The following TGFA variants were observed in gnomAD, a reference collection of about 807,000 sequenced individuals.
TGFA encodes the protein transforming growth factor alpha, also known as protransforming growth factor alpha.
In TGFA, 12 loss-of-function variants were observed where a neutral mutation model predicts 21.7. That is an observed-to-expected ratio of 0.55 (90% CI 0.35 to 0.90). The LOEUF (loss-of-function observed/expected upper bound fraction) is 0.90, where lower values mean the gene tolerates loss of function less well. Ranked by LOEUF, TGFA falls within the 40% of genes least tolerant of loss-of-function variation. The probability of loss-of-function intolerance (pLI) is 0.01; values close to 1 mark genes in which losing one functional copy is unlikely to be tolerated. For missense variants in TGFA, 178 were observed against 210.8 expected (o/e 0.84, Z 0.96); for synonymous variants, 79 against 88.1 (o/e 0.90, Z 0.58).
At chr2:70,547,884 G>A (rs1673365457) in intron 1 of TGFA, among the ~76,000 whole-genome samples, 1 of 147,778 alleles carries the variant, frequency 6.8e-6, no homozygotes, top group South Asian at 2.1e-4. Flanking sequence ...TATATCTATA[G>A]ATAGATAGTA....
chr2:70,524,376 C>T (rs994249371), intron 1 of TGFA, among the ~76,000 whole-genome samples: 3 of 152,244 alleles, frequency 2.0e-5, no homozygotes, highest in Non-Finnish European at 4.4e-5. Context: ...TAAGCCTTAT[C>T]AAAGACTTAG....
intron 2 of TGFA, among the ~76,000 whole-genome samples, chr2:70,489,431 C>T (rs569156555): frequency 3.3e-5 from 5 of 152,358 alleles, no homozygotes; most frequent in African/African-American, 7.2e-5. Flanking sequence ...GGAATGTTCC[C>T]ACAACGGTGA....
At chr2:70,539,210 T>G (rs1378702224) in intron 1 of TGFA, among the ~76,000 whole-genome samples, 1 of 152,128 alleles carries the variant, frequency 6.6e-6, no homozygotes, top group Non-Finnish European at 1.5e-5. Flanking sequence ...AACCAAAAAG[T>G]TCATGTGACT....
intron 2 of TGFA, among the ~76,000 whole-genome samples, chr2:70,504,576 A>T (rs961449741): frequency 1.3e-5 from 2 of 151,426 alleles, no homozygotes; most frequent in Non-Finnish European, 2.9e-5. Flanking sequence ...ACATACATGC[A>T]TATACTCACA....
At chr2:70,452,091 G>A (rs958806808) in intron 5 of TGFA, among the ~76,000 whole-genome samples, 1 of 152,156 alleles carries the variant, frequency 6.6e-6, no homozygotes, top group Non-Finnish European at 1.5e-5. Flanking sequence ...ATGCACATGT[G>A]TCCAGCCTCC....
At chr2:70,459,492 G>A (rs997557644) in intron 3 of TGFA, among the ~76,000 whole-genome samples, 3 of 152,154 alleles carry the variant, frequency 2.0e-5, no homozygotes, top group African/African-American at 7.2e-5. Context: ...AAGATACCCT[G>A]GGCTAGTGAT....
At chr2:70,488,564 T>C (rs1553497068) in intron 2 of TGFA, among the ~76,000 whole-genome samples, 1 of 152,182 alleles carries the variant, frequency 6.6e-6, no homozygotes. Context: ...TACTGTAACC[T>C]TGCAATATGT....
chr2:70,545,870 C>T (rs942723006), intron 1 of TGFA, among the ~76,000 whole-genome samples: 1 of 152,078 alleles, frequency 6.6e-6, no homozygotes, highest in Non-Finnish European at 1.5e-5. Flanking sequence ...GATTACTATT[C>T]TTCTCATATA....
At chr2:70,511,928 C>CAT (rs1325917239) in intron 2 of TGFA, among the ~76,000 whole-genome samples, 1 of 149,980 alleles carries the variant, frequency 6.7e-6, no homozygotes, top group Non-Finnish European at 1.5e-5. Context: ...CACACACACA[C>CAT]ACTTGCTACA....
At chr2:70,468,606 G>T (rs1670644032) in intron 2 of TGFA, 1 of 152,304 alleles carries the variant, frequency 6.6e-6, no homozygotes, top group Admixed American at 6.5e-5. Context: ...ACTTCCCATT[G>T]CTCACGTTAG....
intron 1 of TGFA, among the ~76,000 whole-genome samples, chr2:70,541,946 C>T (rs577770745): frequency 2.6e-5 from 4 of 152,208 alleles, no homozygotes; most frequent in East Asian, 1.9e-4. Context: ...GCACGCAGAC[C>T]GGCCTGATGA....
Position 70,539,605 on chromosome 2 carries a change from C to T in TGFA, c.40+14123G>A, listed in dbSNP as rs144364534. ...AAGTAGCTGGGATTACAGGCACCTG[C>T]CATTATGCCCAGCTAATTTTTATAT... On this transcript the variant is annotated intron_variant, in intron 1 of 5. Transcript: ENST00000295400. Among the ~76,000 whole-genome samples the T allele has an allele frequency of 2.7e-3, 411 of 152,230 alleles. 2 individuals are homozygous for T. Among genetic ancestry groups the T allele is most frequent in the African/African-American group, 9.2e-3 (384 of 41,542 alleles).
At position 70,521,609 on chromosome 2, in the gene TGFA, G is replaced by GTTTTT. The variant is rs797022948; in HGVS notation, c.41-6698_41-6697insAAAAA. 7.6e-4 allele frequency among the ~76,000 whole-genome samples: 60 copies of GTTTTT among 78,862 alleles called. 1 individual carries two copies. Among genetic ancestry groups the GTTTTT allele is most frequent in the South Asian group, 1.4e-3 (3 of 2,070 alleles). 51.7% of individuals were successfully genotyped at this position (78,862 alleles called of 152,430 possible). The stretch of plus-strand genomic sequence containing the variant: ...ACTATTGATAGTTTTTTTTGTTGTT[G>GTTTTT]TTTGTTTGTTTTTTTTTTTTTTTTT... On this transcript the variant is annotated intron_variant, in intron 1 of 5. Transcript: ENST00000295400.
chr2:70,505,048 C>T (rs1671876750), intron 2 of TGFA, among the ~76,000 whole-genome samples: 1 of 151,988 alleles, frequency 6.6e-6, no homozygotes, highest in African/African-American at 2.4e-5. Context: ...GGAGCAGCAC[C>T]CAGCATATAG....
intron 2 of TGFA, among the ~76,000 whole-genome samples, chr2:70,487,126 G>A (rs1176953524): frequency 6.6e-6 from 1 of 152,222 alleles, no homozygotes; most frequent in Non-Finnish European, 1.5e-5. Flanking sequence ...GAGAAAACTT[G>A]AGAGAACAGA....
intron 2 of TGFA, among the ~76,000 whole-genome samples, chr2:70,489,353 A>G (rs1200553967): frequency 6.6e-6 from 1 of 152,180 alleles, no homozygotes; most frequent in Non-Finnish European, 1.5e-5. Flanking sequence ...TCCTCTTCCC[A>G]CGCAGTGTTT....
At chr2:70,514,331 G>C (rs1672197361) in intron 2 of TGFA, among the ~76,000 whole-genome samples, 1 of 151,914 alleles carries the variant, frequency 6.6e-6, no homozygotes, top group African/African-American at 2.4e-5. Flanking sequence ...CCCCTGCAGT[G>C]CTGTGGCCAC....
intron 1 of TGFA, among the ~76,000 whole-genome samples, chr2:70,525,401 A>C (rs782725374): frequency 1.3e-5 from 2 of 152,174 alleles, no homozygotes; most frequent in Non-Finnish European, 2.9e-5. Context: ...GGGGCTGGCC[A>C]CAGGACACCC....
chr2:70,454,281 CCT>C (rs1288751384), intron 4 of TGFA, among the ~76,000 whole-genome samples: 1 of 152,200 alleles, frequency 6.6e-6, no homozygotes, highest in Non-Finnish European at 1.5e-5. Context: ...CATCCCAGCC[CCT>C]GTCTTGGCAC....
Sources: allele counts gnomAD v4.1 joint callset (sites outside exome capture counted in the v4.1 genomes callset), GRCh38; gene constraint gnomAD v4.1.1; transcripts MANE v1.5; gene names NCBI Gene and HGNC (gene_info 2026-07-23, HGNC 2026-07-21).